CERK: variants seen among roughly 807,000 people sequenced by gnomAD.
The protein encoded by CERK is acylsphingosine kinase.
In CERK, 39 loss-of-function variants were observed where a neutral mutation model predicts 63.4. That is an observed-to-expected ratio of 0.61 (90% CI 0.48 to 0.80). The LOEUF (loss-of-function observed/expected upper bound fraction) is 0.80, where lower values mean the gene tolerates loss of function less well. Among genes scored for constraint, CERK ranks in the 30% least tolerant of loss-of-function variants. The probability of loss-of-function intolerance (pLI) is 0.00; values close to 1 mark genes in which losing one functional copy is unlikely to be tolerated. For missense variants in CERK, 670 were observed against 714.1 expected (o/e 0.94, Z 0.70); for synonymous variants, 302 against 280.0 (o/e 1.08, Z -0.78).
At chr22:46,712,842 CTTTTCT>C (rs2082848214) in intron 3 of CERK, among the ~76,000 whole-genome samples, 1 of 124,022 alleles carries the variant, frequency 8.1e-6, no homozygotes. Flanking sequence ...ATTTTCTTTT[CTTTTCT>C]TTTTTTTTTT....
Position 46,685,974 on chromosome 22 carries a change from C to G in CERK, c.*1160G>C, listed in dbSNP as rs535649784. ...AACAAAACTACGTTACAGACATCATCTACGTGGGCACGGATACACACTAAA... is the reference window on the plus strand; with the variant it reads ...AACAAAACTACGTTACAGACATCATGTACGTGGGCACGGATACACACTAAA... On this transcript the variant is annotated 3_prime_UTR_variant, in exon 13 of 13. Coordinates refer to ENST00000216264, the MANE Select transcript of CERK (RefSeq NM_022766.6). 3.3e-5 allele frequency: 5 copies of G among 152,308 alleles called. No homozygotes were observed. Among genetic ancestry groups the G allele is most frequent in the African/African-American group, 1.2e-4 (5 of 41,564 alleles). 9.4% of individuals were successfully genotyped at this position (152,308 alleles called of 1,614,324 possible).
chr22:46,692,904 CAAAAAAAAAAAAA>C (rs34255348), intron 10 of CERK, among the ~76,000 whole-genome samples: 1 of 92,990 alleles, frequency 1.1e-5, no homozygotes, highest in East Asian at 3.0e-4. Flanking sequence ...AAACTCCATC[CAAAAAAAAAAAAA>C]AAAAAAAGAA....
chr22:46,700,706 C>T (rs939793766), intron 7 of CERK, among the ~76,000 whole-genome samples: 20 of 152,142 alleles, frequency 1.3e-4, no homozygotes, highest in Admixed American at 6.5e-4. Context: ...GAGTGGGACC[C>T]TGTCTCAAAG....
In CERK at chr22:46,690,463, C is replaced by T. The variant is rs1010834639; in HGVS notation, c.1333-263G>A. On this transcript the variant is annotated intron_variant, in intron 11 of 12. Coordinates refer to ENST00000216264, the MANE Select transcript of CERK (RefSeq NM_022766.6). Reference sequence around the variant, plus strand: ...TACCTTCCCCGGTGCCCACCTTCCGCGGCACTTGTCAAAATGACTTCTAAT... The same window carrying T: ...TACCTTCCCCGGTGCCCACCTTCCGTGGCACTTGTCAAAATGACTTCTAAT... Among the ~76,000 whole-genome samples the T allele has an allele frequency of 5.3e-5, 8 of 152,186 alleles. No homozygotes were observed. The South Asian group carries it at 8.3e-4, about 16-fold the overall frequency.
At chr22:46,687,236 C>G in intron 12 of CERK, 30 bp from the exon 13 acceptor site, 2 of 1,585,762 alleles carry the variant, frequency 1.3e-6, no homozygotes. Flanking sequence ...CGTGTAAACC[C>G]CACGTGTCCC....
intron 1 of CERK, among the ~76,000 whole-genome samples, chr22:46,729,765 C>T (rs184467682): frequency 8.5e-4 from 130 of 152,178 alleles, no homozygotes; most frequent in South Asian, 8.5e-3. Context: ...TTTGGCCAGG[C>T]GCGGTGGCTC....
intron 3 of CERK, among the ~76,000 whole-genome samples, 160 bp downstream of exon 3, chr22:46,719,926 G>A (rs2082883746): frequency 6.6e-6 from 1 of 152,222 alleles, no homozygotes; most frequent in Non-Finnish European, 1.5e-5. Context: ...GCATTCACTG[G>A]GATGGTCTGC....
chr22:46,737,855 T>A, intron 1 of CERK, 152 bp downstream of exon 1: 74 of 214,980 alleles, frequency 3.4e-4, no homozygotes, highest in East Asian at 1.1e-3. Flanking sequence ...CCCTCCCGCC[T>A]GCCCCGACCC....
intron 8 of CERK, among the ~76,000 whole-genome samples, chr22:46,697,716 G>A (rs2082763222): frequency 6.6e-6 from 1 of 152,210 alleles, no homozygotes; most frequent in Non-Finnish European, 1.5e-5. Flanking sequence ...TGTTGGCGAG[G>A]CTGGTCTTGA....
At chr22:46,708,384 T>C (rs2082824212) in intron 5 of CERK, among the ~76,000 whole-genome samples, 1 of 152,240 alleles carries the variant, frequency 6.6e-6, no homozygotes, top group Non-Finnish European at 1.5e-5. Context: ...TGACCCGCAC[T>C]GCGGGAGAGG....
At chr22:46,734,992 G>A (rs1569332670) in intron 1 of CERK, among the ~76,000 whole-genome samples, 3 of 152,150 alleles carry the variant, frequency 2.0e-5, no homozygotes, top group Admixed American at 6.5e-5. Flanking sequence ...CCACCAGCCT[G>A]GGACATCCCA....
At chr22:46,688,767 G>A (rs898684495) in intron 12 of CERK, among the ~76,000 whole-genome samples, 1 of 152,218 alleles carries the variant, frequency 6.6e-6, no homozygotes, top group African/African-American at 2.4e-5. Context: ...GCCTGCTATC[G>A]CTCTCACGCC....
rs574400919 is a variant in CERK, at chr22:46,703,754, G to A, written c.716-2044C>T. Reference sequence around the variant, plus strand: ...AGGACCAAACGCAGAGAGCGATATCGGAGCAGAGTCAGACGTCACCCCCTG... The same window carrying A: ...AGGACCAAACGCAGAGAGCGATATCAGAGCAGAGTCAGACGTCACCCCCTG... On this transcript the variant is annotated intron_variant, in intron 6 of 12. Transcript: ENST00000216264. Among the ~76,000 whole-genome samples the A allele has an allele frequency of 9.2e-5, 14 of 152,256 alleles. No homozygotes were observed. The East Asian group carries it at 1.4e-3, about 15-fold the overall frequency.
chr22:46,705,365 C>A (rs11703251), intron 6 of CERK, among the ~76,000 whole-genome samples: 6 of 152,206 alleles, frequency 3.9e-5, no homozygotes, highest in African/African-American at 1.2e-4. Context: ...CATTGGTTGT[C>A]TGGGTCATTC....
At chr22:46,690,283 C>G in intron 11 of CERK, 83 bp from the exon 12 acceptor site, 1 of 1,099,774 alleles carries the variant, frequency 9.1e-7, no homozygotes, top group Non-Finnish European at 1.3e-6. Context: ...GGCCTGACAG[C>G]GAGCGCTGTC....
chr22:46,696,297 C>T (rs1453708678), intron 8 of CERK, among the ~76,000 whole-genome samples: 3 of 152,190 alleles, frequency 2.0e-5, no homozygotes, highest in Admixed American at 6.5e-5. Flanking sequence ...ACTCAGCGGG[C>T]GGGCCCTTCC....
At chr22:46,702,998 G>A (rs1397983132) in intron 6 of CERK, among the ~76,000 whole-genome samples, 1 of 152,138 alleles carries the variant, frequency 6.6e-6, no homozygotes, top group South Asian at 2.1e-4. Flanking sequence ...GAAGGACGGG[G>A]CTCCAGGGGG....
intron 12 of CERK, among the ~76,000 whole-genome samples, chr22:46,688,458 G>A: frequency 6.6e-6 from 1 of 152,258 alleles, no homozygotes; most frequent in East Asian, 1.9e-4. Context: ...ACGGCTGCCT[G>A]GGGTGGCCGG....
At chr22:46,688,432 AG>A (rs1404192271) in intron 12 of CERK, among the ~76,000 whole-genome samples, 1 of 152,264 alleles carries the variant, frequency 6.6e-6, no homozygotes, top group African/African-American at 2.4e-5. Context: ...GAGTTGACAG[AG>A]GAAAGTCCCT....
Sources: gnomAD v4.1 joint callset for allele counts (sites outside exome capture counted in the v4.1 genomes callset) on GRCh38, gnomAD v4.1.1 for gene constraint, MANE v1.5 for transcripts, NCBI Gene and HGNC (gene_info 2026-07-23, HGNC 2026-07-21) for gene names.